The following KIF5C variants were observed in gnomAD, a reference collection of about 807,000 sequenced individuals.
KIF5C encodes kinesin family member 5C.
A neutral mutation model predicts 125.2 loss-of-function variants in KIF5C; 18 were observed. The ratio of observed to expected loss-of-function variants is 0.14; its 90% CI spans 0.10 to 0.21. The LOEUF is 0.21. Among genes scored for constraint, KIF5C ranks in the 10% least tolerant of loss-of-function variants. KIF5C has a pLI of 1.00. For missense variants in KIF5C, 780 were observed against 1,183.8 expected (o/e 0.66, Z 5.01); for synonymous variants, 405 against 434.0 (o/e 0.93, Z 0.83).
chr2:148,923,407 A>G (rs578242199), intron 2 of KIF5C, among the ~76,000 whole-genome samples: 36 of 152,296 alleles, frequency 2.4e-4, no homozygotes, highest in Non-Finnish European at 5.0e-4. Flanking sequence ...ATTTTTATAG[A>G]AACCCAATGA....
intron 23 of KIF5C, among the ~76,000 whole-genome samples, chr2:149,009,181 A>G (rs984193175): frequency 6.6e-5 from 10 of 151,656 alleles, no homozygotes; most frequent in African/African-American, 1.5e-4. Flanking sequence ...TAGTAGAGAC[A>G]AGGTTTCACC....
intron 1 of KIF5C, among the ~76,000 whole-genome samples, chr2:148,899,702 CAAA>C (rs771196518): frequency 2.4e-4 from 11 of 46,076 alleles, no homozygotes; most frequent in African/African-American, 8.4e-4. Flanking sequence ...AACTCCATCT[CAAA>C]AAAAAAAAAA....
intron 12 of KIF5C, 95 bp downstream of exon 12, chr2:148,973,606 G>T: frequency 7.0e-7 from 1 of 1,433,992 alleles, no homozygotes; most frequent in Non-Finnish European, 9.2e-7. Context: ...GCTACAGCCC[G>T]ATCTTTGTTT....
At chr2:148,944,567 A>C (rs1156973880) in intron 7 of KIF5C, among the ~76,000 whole-genome samples, 1 of 152,218 alleles carries the variant, frequency 6.6e-6, no homozygotes, top group Non-Finnish European at 1.5e-5. Flanking sequence ...TGGCTTCCAC[A>C]TTTTGGCAGT....
At chr2:148,895,048 C>A (rs1681802533) in intron 1 of KIF5C, among the ~76,000 whole-genome samples, 1 of 151,682 alleles carries the variant, frequency 6.6e-6, no homozygotes, top group Non-Finnish European at 1.5e-5. Context: ...GAAATTAACA[C>A]CCATGAGGCC....
In KIF5C at chr2:149,007,900, T is replaced by C. The variant is rs80222509; in HGVS notation, c.2446-63T>C. The C allele has an allele frequency of 6.1e-3, 8,658 of 1,410,782 alleles. 90 individuals carry two copies. In the Middle Eastern group the frequency reaches 0.068, roughly 11 times the overall value. 87.4% of individuals were successfully genotyped at this position (1,410,782 alleles called of 1,614,324 possible). On this transcript the variant is annotated intron_variant, in intron 22 of 25. Transcript: ENST00000435030. ...GGGGATTTTTTTTTTCCATCCACAT[T>C]ATCCTGGGGCGGAGGGTGGGTGGGT...
chr2:148,958,084 A>G (rs889251703), intron 10 of KIF5C, among the ~76,000 whole-genome samples: 10 of 152,160 alleles, frequency 6.6e-5, no homozygotes, highest in Non-Finnish European at 1.5e-4. Context: ...AATATGGCTT[A>G]TAGGTATCCA....
intron 25 of KIF5C, among the ~76,000 whole-genome samples, chr2:149,013,813 G>T (rs959621846): frequency 1.1e-4 from 16 of 152,128 alleles, no homozygotes; most frequent in African/African-American, 3.9e-4. Context: ...CCAAATGCTG[G>T]CCATTCATCA....
chr2:148,875,885 C>A, intron 1 of KIF5C, 142 bp downstream of exon 1: 1 of 1,218,842 alleles, frequency 8.2e-7, no homozygotes, highest in East Asian at 3.1e-5. Context: ...TGACCAGAGA[C>A]CCCTCGCCCC....
chr2:149,001,395 G>A (rs952604943), intron 21 of KIF5C, among the ~76,000 whole-genome samples: 4 of 152,254 alleles, frequency 2.6e-5, no homozygotes, highest in African/African-American at 4.8e-5. Flanking sequence ...AGATAAGCCC[G>A]GGACTGTCCT....
Position 148,997,309 on chromosome 2 carries a change from T to A in KIF5C, c.2069T>A (p.Leu690Gln). Reference sequence around the variant, plus strand: ...TTCCAGGATAAGGAGAAGGAACATCTGACGCGGTTGCAGGATGCTGAAGAA... The same window carrying A: ...TTCCAGGATAAGGAGAAGGAACATCAGACGCGGTTGCAGGATGCTGAAGAA... ...VSFQDKEKEH[L>Q]TRLQDAEEMK... Residue 690 changes from leucine (L) to glutamine (Q), a missense_variant, in exon 18 of 26, where the codon CTG becomes CAG. By Grantham distance (113) the Leu-to-Gln change is moderately radical. Transcript: ENST00000435030. 1 of 1,614,054 alleles carries A rather than the reference T, an allele frequency of 6.2e-7. No individual in the cohort carries two copies. Among genetic ancestry groups the A allele is most frequent in the Non-Finnish European group, 8.5e-7 (1 of 1,179,882 alleles).
At chr2:148,940,961 G>C (rs376866786) in intron 4 of KIF5C, among the ~76,000 whole-genome samples, 22 of 152,184 alleles carry the variant, frequency 1.4e-4, no homozygotes, top group Admixed American at 2.6e-4. Flanking sequence ...ACTGTAGTAG[G>C]GTTCAGGGTT....
intron 1 of KIF5C, among the ~76,000 whole-genome samples, chr2:148,887,830 G>C (rs1328026205): frequency 6.6e-6 from 1 of 150,710 alleles, no homozygotes; most frequent in Non-Finnish European, 1.5e-5. Flanking sequence ...CCCCACGCTA[G>C]TAGTACGCTT....
chr2:148,992,759 G>A (rs1332589245), intron 16 of KIF5C, among the ~76,000 whole-genome samples: 1 of 152,164 alleles, frequency 6.6e-6, no homozygotes, highest in Non-Finnish European at 1.5e-5. Flanking sequence ...TTCTGGATTT[G>A]CTTTAGAACT....
chr2:148,893,214 C>T (rs532530554), intron 1 of KIF5C, among the ~76,000 whole-genome samples: 1 of 152,136 alleles, frequency 6.6e-6, no homozygotes, highest in Non-Finnish European at 1.5e-5. Flanking sequence ...AATACAATTC[C>T]CTGTTTCCTT....
At chr2:148,968,062 A>G (rs1212289127) in intron 11 of KIF5C, among the ~76,000 whole-genome samples, 1 of 152,190 alleles carries the variant, frequency 6.6e-6, no homozygotes, top group Non-Finnish European at 1.5e-5. Context: ...CTTGAAAAAT[A>G]ATTTTTTACA....
chr2:148,937,168 G>C (rs576768379), intron 3 of KIF5C, 116 bp from the exon 4 acceptor site: 2 of 1,421,138 alleles, frequency 1.4e-6, no homozygotes, highest in African/African-American at 1.4e-5. Flanking sequence ...GCAGGCACAC[G>C]TGGGTGCTTC....
In KIF5C at chr2:149,024,993, C is replaced by G. The variant is rs1032348032; in HGVS notation, c.*1923C>G. ...TGCCAATTATTAATTGTCATTACCA[C>G]TACTCTCCATTACTTTTTGTTTGGA... On this transcript the variant is annotated 3_prime_UTR_variant, in exon 26 of 26. Transcript: ENST00000435030. 6.6e-5 allele frequency: 10 copies of G among 152,202 alleles called. No homozygotes were observed. Among genetic ancestry groups the G allele is most frequent in the African/African-American group, 2.2e-4 (9 of 41,432 alleles). 9.4% of individuals were successfully genotyped at this position (152,202 alleles called of 1,614,324 possible).
At position 148,950,310 on chromosome 2, in the gene KIF5C, A is replaced by G. The variant is rs748178022; in HGVS notation, c.820-4A>G. 1.2e-6 allele frequency: 2 copies of G among 1,613,138 alleles called. No individual in the cohort carries two copies. The highest frequency in any genetic ancestry group is 1.7e-6 in the Non-Finnish European group (2 of 1,179,284). ...AAACCAATACTTTTTCTTTTCCTAA[A>G]TAGAAAACACATGTGCCATACCGGG... is the stretch of plus-strand genomic sequence containing the variant. On this transcript the variant is annotated splice_polypyrimidine_tract_variant and splice_region_variant and intron_variant, in intron 9 of 25. Coordinates refer to ENST00000435030, the MANE Select transcript of KIF5C (RefSeq NM_004522.3).
Sources: allele counts gnomAD v4.1 joint callset (sites outside exome capture counted in the v4.1 genomes callset), GRCh38; gene constraint gnomAD v4.1.1; transcripts MANE v1.5; gene names NCBI Gene and HGNC (gene_info 2026-07-23, HGNC 2026-07-21).